ANO3: variants seen among roughly 807,000 people sequenced by gnomAD.
The protein encoded by ANO3 is anoctamin-3.
In ANO3, 99 loss-of-function variants were observed where a neutral mutation model predicts 144.8. The observed-to-expected ratio is 0.68, with a 90% CI of 0.58 to 0.81. The LOEUF (loss-of-function observed/expected upper bound fraction) is 0.81, where lower values mean the gene tolerates loss of function less well. ANO3 is among the 30% of genes least tolerant of loss of function. ANO3 has a pLI of 0.00. For missense variants in ANO3, 905 were observed against 1,202.2 expected (o/e 0.75, Z 3.66); for synonymous variants, 414 against 392.6 (o/e 1.05, Z -0.64).
At chr11:26,285,964 T>C (rs1037436087) in intron 1 of ANO3, 3 of 152,126 alleles carry the variant, frequency 2.0e-5, no homozygotes, top group Non-Finnish European at 4.4e-5. Flanking sequence ...TCCCCGGGGA[T>C]CTTACACACA....
intron 1 of ANO3, among the ~76,000 whole-genome samples, chr11:26,440,083 G>A (rs1858458560): frequency 1.3e-5 from 2 of 152,106 alleles, no homozygotes; most frequent in Admixed American, 1.3e-4. Flanking sequence ...TGGGCGGAGG[G>A]CGGGGGTGGT....
At chr11:26,486,335 TGGGCGACAGAGTGAGACTCTGTCTC>T (rs1337252603) in intron 4 of ANO3, among the ~76,000 whole-genome samples, 1 of 126,204 alleles carries the variant, frequency 7.9e-6, no homozygotes, top group African/African-American at 3.0e-5. Flanking sequence ...CACTCCAGTC[TGGGCGACAGAGTGAGACTCTGTCTC>T]AAAAAAAAAA....
At chr11:26,575,454 G>A (rs1850961739) in intron 14 of ANO3, among the ~76,000 whole-genome samples, 1 of 151,738 alleles carries the variant, frequency 6.6e-6, no homozygotes, top group African/African-American at 2.4e-5. Context: ...GAAATTGGAT[G>A]GAAATAGATT....
intron 1 of ANO3, among the ~76,000 whole-genome samples, chr11:26,382,175 C>T (rs771917463): frequency 6.6e-6 from 1 of 152,044 alleles, no homozygotes; most frequent in Non-Finnish European, 1.5e-5. Flanking sequence ...AAATGGGTTG[C>T]TTAAGCAATG....
At position 26,206,530 on chromosome 11, in the gene ANO3, G is replaced by A. The variant is rs980820766; in HGVS notation, c.154+17200G>A. On this transcript the variant is annotated intron_variant, in intron 1 of 27. Coordinates refer to the ANO3 transcript ENST00000672621. ...ATATCTTCAAGGAAAAGACAAGGTG[G>A]TGTAGGGAGGACATCAGTATAATTA... Among the ~76,000 whole-genome samples, 8 of 152,190 alleles carry A rather than the reference G, an allele frequency of 5.3e-5. No individual in the cohort carries two copies. In the South Asian group the frequency reaches 8.3e-4, roughly 16 times the overall value.
intron 1 of ANO3, among the ~76,000 whole-genome samples, chr11:26,245,020 T>TGCGCGC (rs1554928329): frequency 1.4e-5 from 2 of 141,614 alleles, no homozygotes; most frequent in East Asian, 2.1e-4. Flanking sequence ...TGTGTGTGTG[T>TGCGCGC]GCATGCATGC....
At chr11:26,268,679 A>G (rs1487527109) in intron 1 of ANO3, among the ~76,000 whole-genome samples, 3 of 152,190 alleles carry the variant, frequency 2.0e-5, no homozygotes, top group Non-Finnish European at 2.9e-5. Flanking sequence ...ACCATCTCTG[A>G]TATCAGCCGA....
chr11:26,387,060 A>G (rs955460938), intron 1 of ANO3, among the ~76,000 whole-genome samples: 1 of 151,850 alleles, frequency 6.6e-6, no homozygotes, highest in Admixed American at 6.6e-5. Context: ...AATAATTAGA[A>G]TGGAGAAGAG....
chr11:26,643,062 A>T (rs2133063533), intron 22 of ANO3, 120 bp from the exon 23 acceptor site: 3 of 855,470 alleles, frequency 3.5e-6, no homozygotes, highest in African/African-American at 1.7e-5. Flanking sequence ...TAACTGTAAA[A>T]TGAGATAAAG....
At chr11:26,626,101 C>G (rs543857766) in intron 18 of ANO3, among the ~76,000 whole-genome samples, 1 of 152,292 alleles carries the variant, frequency 6.6e-6, no homozygotes, top group Non-Finnish European at 1.5e-5. Context: ...GTCCTTTGCA[C>G]AGGACCTGTT....
intron 1 of ANO3, among the ~76,000 whole-genome samples, chr11:26,224,873 G>A (rs1320142355): frequency 6.6e-6 from 1 of 152,176 alleles, no homozygotes; most frequent in Non-Finnish European, 1.5e-5. Flanking sequence ...AGGAGGAAGA[G>A]CTTAGTTAGC....
At chr11:26,244,194 A>G (rs1852732009) in intron 1 of ANO3, among the ~76,000 whole-genome samples, 1 of 152,046 alleles carries the variant, frequency 6.6e-6, no homozygotes, top group Non-Finnish European at 1.5e-5. Flanking sequence ...CTTGGGAACT[A>G]CTATCTTCCA....
chr11:26,190,110 A>T (rs1266097175), intron 1 of ANO3, among the ~76,000 whole-genome samples: 1 of 152,202 alleles, frequency 6.6e-6, no homozygotes, highest in Non-Finnish European at 1.5e-5. Context: ...ATCCTTCCTT[A>T]TAAAATAAGG....
intron 14 of ANO3, chr11:26,561,072 G>A (rs749754013): frequency 6.2e-6 from 10 of 1,610,558 alleles, no homozygotes; most frequent in Admixed American, 1.7e-5. Flanking sequence ...GTTCTATACA[G>A]AAGTACGAAG....
intron 1 of ANO3, among the ~76,000 whole-genome samples, chr11:26,380,147 G>A (rs1856550638): frequency 6.6e-6 from 1 of 152,080 alleles, no homozygotes; most frequent in African/African-American, 2.4e-5. Flanking sequence ...GCCATTTTAG[G>A]ATTTCAGAAT....
At chr11:26,315,720 CCTAT>C (rs1324439654) in intron 1 of ANO3, among the ~76,000 whole-genome samples, 4 of 151,396 alleles carry the variant, frequency 2.6e-5, no homozygotes, top group Non-Finnish European at 4.4e-5. Flanking sequence ...TACCTACCTA[CCTAT>C]CTACCTACCT....
intron 10 of ANO3, 23 bp from the exon 11 acceptor site, chr11:26,541,924 G>A (rs1027966631): frequency 2.5e-6 from 4 of 1,595,228 alleles, no homozygotes; most frequent in African/African-American, 2.7e-5. Flanking sequence ...AGAACCAAAT[G>A]TATCTTACTT....
At chr11:26,643,078 T>G (rs931380324) in intron 22 of ANO3, 104 bp from the exon 23 acceptor site, 2 of 975,170 alleles carry the variant, frequency 2.1e-6, no homozygotes, top group Non-Finnish European at 1.6e-6. Flanking sequence ...TAAAGCTATC[T>G]ACTTTGTAAG....
chr11:26,451,215 G>A (rs1047685749), intron 3 of ANO3, among the ~76,000 whole-genome samples: 132 of 152,192 alleles, frequency 8.7e-4, no homozygotes, highest in Non-Finnish European at 1.9e-4. Context: ...TCTCACTAGG[G>A]AGTGCCAGAC....
Sources: allele counts gnomAD v4.1 joint callset (sites outside exome capture counted in the v4.1 genomes callset), GRCh38; gene constraint gnomAD v4.1.1; transcripts MANE v1.5; gene names NCBI Gene and HGNC (gene_info 2026-07-23, HGNC 2026-07-21).